The following ILDR2 variants were observed in gnomAD, a reference collection of about 807,000 sequenced individuals.
ILDR2 encodes immunoglobulin like domain containing receptor 2, also known as immunoglobulin-like domain-containing receptor 2.
Under a neutral mutation model 66.8 loss-of-function variants are expected in ILDR2, and 25 were observed. The observed-to-expected ratio is 0.37, with a 90% CI of 0.27 to 0.52. The LOEUF is 0.52. ILDR2 is among the 20% of genes least tolerant of loss of function. ILDR2 has a pLI of 0.88. For synonymous variants in ILDR2, 367 were observed against 357.2 expected (o/e 1.03, Z -0.31); for missense variants, 827 against 876.8 (o/e 0.94, Z 0.72).
At chr1:166,939,436 C>G (rs1338115538) in intron 4 of ILDR2, 78 bp downstream of exon 4, 4 of 1,164,716 alleles carry the variant, frequency 3.4e-6, no homozygotes, top group Non-Finnish European at 5.2e-6. Context: ...AGTAAAGAAG[C>G]AATTAGCGAC....
rs1659508601 is a variant in ILDR2, at chr1:166,913,131, C to A, written c.*6224G>T. The A allele has an allele frequency of 6.6e-6, 1 of 152,202 alleles. No individual in the cohort carries two copies. Among genetic ancestry groups the A allele is most frequent in the Admixed American group, 6.5e-5 (1 of 15,284 alleles). 9.4% of individuals were successfully genotyped at this position (152,202 alleles called of 1,614,324 possible). A position where few individuals can be genotyped will look rare whatever the true frequency, so the allele number is the denominator to read the frequency against. On this transcript the variant is annotated 3_prime_UTR_variant, in exon 10 of 10. Coordinates refer to ENST00000271417, the MANE Select transcript of ILDR2 (RefSeq NM_199351.3). ...AAGGACATGTATCATATGATTCTTT[C>A]TCTTGCTGAGGCCATTTAATGTCAG... is the stretch of plus-strand genomic sequence containing the variant.
intron 2 of ILDR2, 100 bp from the exon 3 acceptor site, chr1:166,956,952 C>T: frequency 8.0e-7 from 1 of 1,250,732 alleles, no homozygotes; most frequent in South Asian, 1.6e-5. Flanking sequence ...TCTGGGGTAT[C>T]TGCAGTATTT....
At chr1:166,949,820 G>A (rs1661862041) in intron 3 of ILDR2, among the ~76,000 whole-genome samples, 1 of 152,150 alleles carries the variant, frequency 6.6e-6, no homozygotes, top group African/African-American at 2.4e-5. Flanking sequence ...ACCAGCAGAG[G>A]CATCTAGGTA....
intron 3 of ILDR2, among the ~76,000 whole-genome samples, chr1:166,945,263 C>G (rs1661549101): frequency 1.3e-5 from 2 of 152,204 alleles, no homozygotes; most frequent in East Asian, 1.9e-4. Context: ...AAAGCACCAC[C>G]CTATCCCACA....
chr1:166,926,406 A>G (rs1228575176), intron 7 of ILDR2, among the ~76,000 whole-genome samples: 2 of 152,174 alleles, frequency 1.3e-5, no homozygotes, highest in East Asian at 2.0e-4. Flanking sequence ...TTAGTATTCA[A>G]AAAGTTCTTT....
chr1:166,942,714 C>T (rs1661377685), intron 3 of ILDR2, among the ~76,000 whole-genome samples: 1 of 152,198 alleles, frequency 6.6e-6, no homozygotes, highest in South Asian at 2.1e-4. Context: ...ATTACTTCCA[C>T]ACACAGAATA....
intron 6 of ILDR2, among the ~76,000 whole-genome samples, chr1:166,933,199 C>A (rs1353890365): frequency 6.6e-6 from 1 of 152,240 alleles, no homozygotes; most frequent in Non-Finnish European, 1.5e-5. Flanking sequence ...GTAGTTCAAG[C>A]CAATTTTGTT....
chr1:166,930,200 C>A (rs1660551484), intron 6 of ILDR2, among the ~76,000 whole-genome samples: 1 of 152,164 alleles, frequency 6.6e-6, no homozygotes, highest in South Asian at 2.1e-4. Flanking sequence ...GTCATTATAA[C>A]AAATTACACT....
At chr1:166,901,019 C>A (rs953247083) in intron 2 of ILDR2, among the ~76,000 whole-genome samples, 1 of 152,198 alleles carries the variant, frequency 6.6e-6, no homozygotes, top group African/African-American at 2.4e-5. Context: ...AGGTGGAGCA[C>A]ACCAAAAGCA....
chr1:166,970,587 G>A (rs1359441551), intron 1 of ILDR2, among the ~76,000 whole-genome samples: 1 of 152,200 alleles, frequency 6.6e-6, no homozygotes, highest in Non-Finnish European at 1.5e-5. Context: ...TCAGCTCCCA[G>A]GTCAGGGCTC....
chr1:166,930,395 GA>G (rs1448850812), intron 6 of ILDR2, among the ~76,000 whole-genome samples: 2 of 152,154 alleles, frequency 1.3e-5, no homozygotes, highest in African/African-American at 4.8e-5. Context: ...CATGACTTCA[GA>G]AATCTAAATT....
chr1:166,939,707 C>G, intron 3 of ILDR2, 137 bp from the exon 4 acceptor site: 2 of 666,984 alleles, frequency 3.0e-6, no homozygotes, highest in Admixed American at 5.0e-5. Context: ...AAGCACATCA[C>G]CAAAGCTAGG....
intron 6 of ILDR2, among the ~76,000 whole-genome samples, chr1:166,934,195 C>T (rs1382038531): frequency 6.6e-6 from 1 of 152,088 alleles, no homozygotes; most frequent in Non-Finnish European, 1.5e-5. Context: ...CTACCCTGCC[C>T]CTCCACCTAT....
At chr1:166,900,236 C>A (rs1311961497) in intron 2 of ILDR2, among the ~76,000 whole-genome samples, 1 of 151,240 alleles carries the variant, frequency 6.6e-6, no homozygotes, top group Non-Finnish European at 1.5e-5. Context: ...ATGCTCCCCC[C>A]ACCCCCATGG....
Position 166,911,594 on chromosome 1 carries a change from A to T in ILDR2, c.*7761T>A, listed in dbSNP as rs1011723264. ...GACCCACAAAGACTGTAGATATTGGAATTACTGGATATAAAATTTTAAGTT... is the reference window on the plus strand; with the variant it reads ...GACCCACAAAGACTGTAGATATTGGTATTACTGGATATAAAATTTTAAGTT... On this transcript the variant is annotated 3_prime_UTR_variant, in exon 10 of 10. Transcript: ENST00000271417. 3 of 152,118 alleles carry T rather than the reference A, an allele frequency of 2.0e-5. No homozygotes were observed. Among genetic ancestry groups the T allele is most frequent in the African/African-American group, 4.8e-5 (2 of 41,442 alleles). 9.4% of individuals were successfully genotyped at this position (152,118 alleles called of 1,614,324 possible).
chr1:166,948,166 C>A (rs764237457), intron 3 of ILDR2, among the ~76,000 whole-genome samples: 66 of 152,068 alleles, frequency 4.3e-4, no homozygotes, highest in Non-Finnish European at 8.2e-4. Context: ...GGAGGTGAGC[C>A]GACACTAATT....
chr1:166,926,379 G>A (rs1408978194), intron 7 of ILDR2, among the ~76,000 whole-genome samples: 1 of 152,056 alleles, frequency 6.6e-6, no homozygotes, highest in Non-Finnish European at 1.5e-5. Flanking sequence ...AAGGGTTGGG[G>A]CCCGGCCACC....
rs111585577 is a variant in ILDR2 at position 166,897,167 on chromosome 1, C to G, written n.172-1066G>C. Among the ~76,000 whole-genome samples the G allele has an allele frequency of 1.9e-3, 284 of 152,192 alleles. 2 individuals are homozygous for G. Among genetic ancestry groups the G allele is most frequent in the Admixed American group, 4.4e-3 (68 of 15,290 alleles). On this transcript the variant is annotated intron_variant and non_coding_transcript_variant, in intron 2 of 2. Coordinates refer to the ILDR2 transcript ENST00000414590. ...AGCAGTAAGGTGACCAGTTAAGAGG[C>G]TATTGCTATAGTCCACATTAGAGCT... is the stretch of plus-strand genomic sequence containing the variant.
intron 1 of ILDR2, among the ~76,000 whole-genome samples, chr1:166,958,760 T>A (rs1662435415): frequency 6.6e-6 from 1 of 152,200 alleles, no homozygotes; most frequent in South Asian, 2.1e-4. Context: ...CCTTAGACTC[T>A]CTTCATTTCC....
Sources: allele counts gnomAD v4.1 joint callset (sites outside exome capture counted in the v4.1 genomes callset), GRCh38; gene constraint gnomAD v4.1.1; transcripts MANE v1.5; gene names NCBI Gene and HGNC (gene_info 2026-07-23, HGNC 2026-07-21).